The following MIR2052HG variants were observed in gnomAD, a reference collection of about 807,000 sequenced individuals.
MIR2052HG encodes the protein MIR2052 host gene.
intron 4 of MIR2052HG, among the ~76,000 whole-genome samples, chr8:74,706,747 A>T (rs1047679026): frequency 2.6e-5 from 4 of 152,156 alleles, no homozygotes; most frequent in Non-Finnish European, 5.9e-5. Flanking sequence ...GAAAACAATT[A>T]CTAATCTATT....
At chr8:74,720,517 A>G (rs1180587791) in intron 4 of MIR2052HG, among the ~76,000 whole-genome samples, 1 of 152,232 alleles carries the variant, frequency 6.6e-6, no homozygotes, top group Admixed American at 6.5e-5. Flanking sequence ...TCTGCCATAA[A>G]TACACAATTA....
At chr8:74,659,626 C>T (rs889564903) in intron 2 of MIR2052HG, among the ~76,000 whole-genome samples, 3 of 152,148 alleles carry the variant, frequency 2.0e-5, no homozygotes, top group South Asian at 2.1e-4. Flanking sequence ...AAGAATGTCT[C>T]GTAGATATGG....
At chr8:74,600,669 G>A (rs200149453) in intron 1 of MIR2052HG, among the ~76,000 whole-genome samples, 12 of 151,506 alleles carry the variant, frequency 7.9e-5, no homozygotes, top group Admixed American at 2.0e-4. Context: ...TCTGCCTCCC[G>A]GGTTCAAGTG....
At chr8:74,653,012 A>G (rs1339530207) in intron 2 of MIR2052HG, among the ~76,000 whole-genome samples, 1 of 152,176 alleles carries the variant, frequency 6.6e-6, no homozygotes. Context: ...TCATAGTGAT[A>G]TTTATCCTTA....
At chr8:74,638,170 G>A (rs754002125) in intron 2 of MIR2052HG, among the ~76,000 whole-genome samples, 1 of 152,136 alleles carries the variant, frequency 6.6e-6, no homozygotes, top group Non-Finnish European at 1.5e-5. Flanking sequence ...AAGTTGGGGA[G>A]AGATAGAGAG....
At chr8:74,747,353 C>T (rs1433301163) in intron 4 of MIR2052HG, among the ~76,000 whole-genome samples, 1 of 152,044 alleles carries the variant, frequency 6.6e-6, no homozygotes, top group African/African-American at 2.4e-5. Context: ...TAAAATTATC[C>T]CTAAGCATAA....
At chr8:74,604,495 CG>C (rs1251970496) in intron 1 of MIR2052HG, among the ~76,000 whole-genome samples, 2 of 7,150 alleles carry the variant, frequency 2.8e-4, no homozygotes, top group Admixed American at 2.0e-3. Flanking sequence ...GACCCCGGGG[CG>C]GGTGGGGGTG....
intron 2 of MIR2052HG, among the ~76,000 whole-genome samples, chr8:74,673,728 T>C (rs1391153619): frequency 6.6e-6 from 1 of 151,774 alleles, no homozygotes; most frequent in Admixed American, 6.6e-5. Context: ...TCTGTGTTCT[T>C]AGAACAAGTT....
chr8:74,653,486 T>C (rs1418574305), intron 2 of MIR2052HG, among the ~76,000 whole-genome samples: 1 of 152,220 alleles, frequency 6.6e-6, no homozygotes, highest in African/African-American at 2.4e-5. Flanking sequence ...AGTTTATCCA[T>C]TTATTAGTGT....
intron 2 of MIR2052HG, among the ~76,000 whole-genome samples, chr8:74,639,741 A>G (rs1808619077): frequency 6.6e-6 from 1 of 152,124 alleles, no homozygotes; most frequent in African/African-American, 2.4e-5. Flanking sequence ...TGGACATTTT[A>G]GTATTTTTGA....
chr8:74,687,804 TTTA>T (rs1809198451), intron 2 of MIR2052HG, among the ~76,000 whole-genome samples: 1 of 152,120 alleles, frequency 6.6e-6, no homozygotes, highest in Non-Finnish European at 1.5e-5. Context: ...CAGTTCAAAA[TTTA>T]TTAACTGGGT....
At chr8:74,738,766 A>T (rs537177517) in intron 4 of MIR2052HG, among the ~76,000 whole-genome samples, 110 of 152,326 alleles carry the variant, frequency 7.2e-4, no homozygotes, top group African/African-American at 2.5e-3. Flanking sequence ...AGAAAGAGGG[A>T]TCATTGATTG....
chr8:74,634,548 A>G (rs1040020348), intron 2 of MIR2052HG, among the ~76,000 whole-genome samples: 3 of 152,144 alleles, frequency 2.0e-5, no homozygotes, highest in Non-Finnish European at 4.4e-5. Context: ...ATCGTTTTCA[A>G]GTAGCAGCAG....
At chr8:74,644,582 TAGGTGCCCTGTAGAAAAAC>T (rs1808672114) in intron 2 of MIR2052HG, among the ~76,000 whole-genome samples, 1 of 152,134 alleles carries the variant, frequency 6.6e-6, no homozygotes, top group African/African-American at 2.4e-5. Flanking sequence ...TTGTGAAACA[TAGGTGCCCTGTAGAAAAAC>T]CACTTGTCAC....
intron 2 of MIR2052HG, among the ~76,000 whole-genome samples, chr8:74,695,146 C>T (rs747651270): frequency 6.6e-6 from 1 of 152,174 alleles, no homozygotes; most frequent in East Asian, 1.9e-4. Flanking sequence ...GATTTGTGCC[C>T]TATCTTTAGC....
intron 2 of MIR2052HG, among the ~76,000 whole-genome samples, chr8:74,647,645 G>C (rs1457579334): frequency 6.6e-6 from 1 of 152,178 alleles, no homozygotes; most frequent in Non-Finnish European, 1.5e-5. Flanking sequence ...TTAGCAACCT[G>C]AAGCATTTGG....
intron 2 of MIR2052HG, among the ~76,000 whole-genome samples, chr8:74,647,397 T>C (rs540773327): frequency 6.6e-6 from 1 of 152,182 alleles, no homozygotes; most frequent in African/African-American, 2.4e-5. Context: ...AAATAAGTGA[T>C]GTATTACAAA....
At chr8:74,682,501 A>G (rs1156840022) in intron 2 of MIR2052HG, among the ~76,000 whole-genome samples, 1 of 152,168 alleles carries the variant, frequency 6.6e-6, no homozygotes, top group African/African-American at 2.4e-5. Context: ...ACATTTCAAC[A>G]AAGGGAAAAC....
exon 6 of MIR2052HG, chr8:74,758,130 C>A (rs1210525923): frequency 6.6e-6 from 1 of 151,918 alleles, no homozygotes; most frequent in Non-Finnish European, 1.5e-5. Context: ...ATAGTCACAG[C>A]CCATGGAATC....
Sources: allele counts gnomAD v4.1 joint callset (sites outside exome capture counted in the v4.1 genomes callset), GRCh38; gene constraint gnomAD v4.1.1; transcripts MANE v1.5; gene names NCBI Gene and HGNC (gene_info 2026-07-23, HGNC 2026-07-21).